Variants in ABCC2 observed in about 807,000 individuals in gnomAD.
ABCC2 encodes ATP-binding cassette sub-family C member 2.
Under a neutral mutation model 173.4 loss-of-function variants are expected in ABCC2, and 157 were observed. The ratio of observed to expected loss-of-function variants is 0.91; its 90% CI spans 0.80 to 1.03. The LOEUF (loss-of-function observed/expected upper bound fraction) is 1.03. Among genes scored for constraint, ABCC2 ranks in the 50% least tolerant of loss-of-function variants. ABCC2 has a pLI of 0.00. For missense variants in ABCC2, 1,822 were observed against 1,852.3 expected (o/e 0.98, Z 0.30); for synonymous variants, 657 against 693.5 (o/e 0.95, Z 0.83).
chr10:99,809,704 G>A (rs995342285), intron 13 of ABCC2, among the ~76,000 whole-genome samples: 5 of 152,242 alleles, frequency 3.3e-5, no homozygotes, highest in Admixed American at 3.3e-4. Flanking sequence ...CTATGTGGAA[G>A]TGTGCAGGGT....
In ABCC2 at chr10:99,811,533, C is replaced by A; in HGVS notation, c.1901-3C>A. The A allele has an allele frequency of 6.2e-7, 1 of 1,614,052 alleles. No homozygotes were observed. Among genetic ancestry groups the A allele is most frequent in the Non-Finnish European group, 8.5e-7 (1 of 1,179,958 alleles). On this transcript the variant is annotated splice_polypyrimidine_tract_variant and splice_region_variant and intron_variant, in intron 14 of 31. Coordinates refer to ENST00000647814, the MANE Select transcript of ABCC2 (RefSeq NM_000392.5). The stretch of plus-strand genomic sequence containing the variant: ...GGACTAAAAGAGGGCTTTTTCTCAA[C>A]AGACAAAGCCATGCAGTTTTCTGAG...
At chr10:99,805,513 G>A (rs139847259) in intron 11 of ABCC2, 66 bp downstream of exon 11, 86 of 1,499,836 alleles carry the variant, frequency 5.7e-5, no homozygotes, top group Non-Finnish European at 7.2e-5. Context: ...CTTGGCCTTT[G>A]CAAACCCTGG....
At chr10:99,811,708 A>G (rs2038218549) in intron 15 of ABCC2, 106 bp downstream of exon 15, 3 of 1,302,648 alleles carry the variant, frequency 2.3e-6, no homozygotes, top group African/African-American at 2.9e-5. Context: ...AGCTATGTGC[A>G]TGTCTTCGGT....
rs564128121 is a variant in ABCC2, at chr10:99,790,933, AG to A, written c.208-1300del. 5.5e-3 allele frequency among the ~76,000 whole-genome samples: 844 copies of A among 152,292 alleles called. 10 individuals are homozygous for A. The highest frequency in any genetic ancestry group is 0.014 in the African/African-American group (590 of 41,546). On this transcript the variant is annotated intron_variant, in intron 2 of 31. Coordinates refer to ENST00000647814, the MANE Select transcript of ABCC2 (RefSeq NM_000392.5). ...AAGGGTAGATGGATAGGGGCATAAA[AG>A]CATGAGGGGAGGGGAGATGGTGCCA...
intron 2 of ABCC2, chr10:99,789,105 A>G (rs75926036): frequency 0.01 from 1,553 of 153,184 alleles, 28 homozygotes; most frequent in African/African-American, 0.036. Context: ...TGGGCCGGAG[A>G]GAACATGATT....
chr10:99,845,580 A>C, intron 28 of ABCC2, 44 bp from the exon 29 acceptor site: 1 of 1,612,904 alleles, frequency 6.2e-7, no homozygotes, highest in African/African-American at 1.3e-5. Context: ...CTTTTCCCCA[A>C]GAATTATTTG....
In ABCC2 at chr10:99,819,287, G is replaced by A. The variant is rs1370426229; in HGVS notation, c.2620+18G>A. 2 of 1,610,214 alleles carry A rather than the reference G, an allele frequency of 1.2e-6. No individual in the cohort carries two copies. The highest frequency in any genetic ancestry group is 1.7e-6 in the Non-Finnish European group (2 of 1,178,370). On this transcript the variant is annotated intron_variant, in intron 19 of 31. Coordinates refer to ENST00000647814, the MANE Select transcript of ABCC2 (RefSeq NM_000392.5). ...AGCCACAGGTATGTAAGAAGGATTGGGACAAGATAGAACTTGGGCCATGGG... is the reference window on the plus strand; with the variant it reads ...AGCCACAGGTATGTAAGAAGGATTGAGACAAGATAGAACTTGGGCCATGGG...
Position 99,845,918 on chromosome 10 carries a change from C to T in ABCC2, c.4146+136C>T, listed in dbSNP as rs150229654. The T allele has an allele frequency of 2.1e-4, 213 of 994,588 alleles. 2 individuals carry two copies. In the East Asian group the frequency reaches 5.2e-3, roughly 24 times the overall value. 61.6% of individuals were successfully genotyped at this position (994,588 alleles called of 1,614,324 possible). A position where few individuals can be genotyped will look rare whatever the true frequency, so the allele number is the denominator to read the frequency against. On this transcript the variant is annotated intron_variant, in intron 29 of 31. Transcript: ENST00000647814. ...TCTACTCGGGATACTTGAGCTAGTT[C>T]CCTAGGATGGACACGTCATTTCCAG...
At chr10:99,821,194 T>C (rs1297284475) in intron 19 of ABCC2, among the ~76,000 whole-genome samples, 1 of 152,266 alleles carries the variant, frequency 6.6e-6, no homozygotes, top group Non-Finnish European at 1.5e-5. Context: ...CAAAGCAGTA[T>C]TGCTGCCTGC....
intron 30 of ABCC2, 143 bp downstream of exon 30, chr10:99,847,270 A>G: frequency 9.8e-7 from 1 of 1,015,898 alleles, no homozygotes; most frequent in Non-Finnish European, 1.5e-6. Flanking sequence ...CCTGTTGTAA[A>G]GTTCACAAGA....
chr10:99,807,668 C>T (rs1207427425), intron 12 of ABCC2, 147 bp downstream of exon 12: 8 of 1,173,784 alleles, frequency 6.8e-6, no homozygotes, highest in Admixed American at 1.9e-5. Context: ...CGCCCCATGC[C>T]ACTTTTCCTC....
At chr10:99,843,266 A>G (rs1356895979) in intron 26 of ABCC2, among the ~76,000 whole-genome samples, 2 of 150,794 alleles carry the variant, frequency 1.3e-5, no homozygotes, top group Non-Finnish European at 3.0e-5. Context: ...GCAATTACAT[A>G]TGCTTCAATC....
intron 24 of ABCC2, 95 bp downstream of exon 24, chr10:99,834,630 T>G (rs547040632): frequency 1.7e-5 from 24 of 1,428,002 alleles, no homozygotes; most frequent in Non-Finnish European, 2.4e-5. Context: ...TCATTGCTAG[T>G]CACTCACTCC....
At chr10:99,819,309 T>G (rs1448688358) in intron 19 of ABCC2, 40 bp downstream of exon 19, 5 of 1,577,150 alleles carry the variant, frequency 3.2e-6, no homozygotes. Context: ...ACTTGGGCCA[T>G]GGGTGGAATG....
At position 99,832,747 on chromosome 10, in the gene ABCC2, TA is replaced by T. The variant is rs79139353; in HGVS notation, c.3258+621del. 9.2e-5 allele frequency among the ~76,000 whole-genome samples: 14 copies of T among 152,332 alleles called. No individual in the cohort carries two copies. In the East Asian group the frequency reaches 2.7e-3, roughly 29 times the overall value. ...TATGGAATAGAGCCATCAGTGATTT[TA>T]AAAAGTTCTCAAATATTGTTTCCAT... On this transcript the variant is annotated intron_variant, in intron 23 of 31. Transcript: ENST00000647814.
chr10:99,844,124 C>T (rs1590191929), intron 27 of ABCC2, among the ~76,000 whole-genome samples, 198 bp from the exon 28 acceptor site: 1 of 152,168 alleles, frequency 6.6e-6, no homozygotes, highest in African/African-American at 2.4e-5. Flanking sequence ...AGCACAAGCT[C>T]ATGGTGTATT....
In ABCC2 at chr10:99,851,512, C is replaced by T; in HGVS notation, c.4519C>T (p.Leu1507=). Residue 1507 remains leucine, a synonymous_variant, in exon 32 of 32, where the codon CTA becomes TTA. Transcript: ENST00000647814. The stretch of plus-strand genomic sequence containing the variant: ...TCTTCCTTGTTTCAGGGTAATGGTC[C>T]TAGACAACGGGAAGATTATAGAGTG... The part of the protein sequence containing the change: ...TIMDSDKVMV[L]DNGKIIECGS... 6.2e-7 allele frequency: 1 copy of T among 1,613,958 alleles called. No individual in the cohort carries two copies. The highest frequency in any genetic ancestry group is 1.3e-5 in the African/African-American group (1 of 74,968).
intron 24 of ABCC2, among the ~76,000 whole-genome samples, chr10:99,835,736 C>T (rs373849496): frequency 9.4e-4 from 143 of 152,254 alleles, no homozygotes; most frequent in African/African-American, 3.3e-3. Context: ...TTTTGGGGAC[C>T]TTTTCTCTAA....
Position 99,831,995 on chromosome 10 carries a change from C to A in ABCC2, c.3122C>A (p.Ala1041Glu). Residue 1041 changes from alanine to glutamate, a missense_variant, in exon 23 of 32, where the codon GCA becomes GAA. Transcript: ENST00000647814. ...GLAQGIFVFIAHFWSAFGFVH... is the reference protein window; with the variant it reads ...GLAQGIFVFIEHFWSAFGFVH... ...TCTCTAGGTATATTTGTGTTCATAG[C>A]ACATTTCTGGAGTGCCTTTGGTTTC... 6.2e-7 allele frequency: 1 copy of A among 1,614,226 alleles called. No individual in the cohort carries two copies. Among genetic ancestry groups the A allele is most frequent in the East Asian group, 2.2e-5 (1 of 44,890 alleles).
Sources: allele counts gnomAD v4.1 joint callset (sites outside exome capture counted in the v4.1 genomes callset), GRCh38; gene constraint gnomAD v4.1.1; transcripts MANE v1.5; gene names NCBI Gene and HGNC (gene_info 2026-07-23, HGNC 2026-07-21).